Variants in MAGI1 observed in about 807,000 individuals in gnomAD.
MAGI1 encodes the protein membrane associated guanylate kinase, WW and PDZ domain containing 1, also known as membrane-associated guanylate kinase, WW and PDZ domain-containing protein 1.
MAGI1 carries 58 observed loss-of-function variants against 139.9 expected under a neutral mutation model. The ratio of observed to expected loss-of-function variants is 0.41; its 90% CI spans 0.34 to 0.52. MAGI1 has a LOEUF of 0.52. Ranked by LOEUF, MAGI1 falls within the 20% of genes least tolerant of loss-of-function variation. MAGI1 has a pLI of 0.12. For missense variants in MAGI1, 1,874 were observed against 1,901.6 expected, an observed-to-expected ratio of 0.99 and a Z score of 0.27; for synonymous variants, 812 against 737.9, an observed-to-expected ratio of 1.10 and a Z score of -1.63.
intron 20 of MAGI1, 79 bp from the exon 21 acceptor site, chr3:65,363,687 G>T: frequency 2.4e-6 from 3 of 1,239,262 alleles, no homozygotes; most frequent in East Asian, 2.4e-5. Context: ...TTGGCAAAAA[G>T]GCACAATCTC....
intron 12 of MAGI1, among the ~76,000 whole-genome samples, chr3:65,409,178 G>A (rs940617327): frequency 6.6e-6 from 1 of 152,192 alleles, no homozygotes; most frequent in Non-Finnish European, 1.5e-5. Flanking sequence ...ATCACTAAGA[G>A]ATAAAAGTAA....
intron 1 of MAGI1, among the ~76,000 whole-genome samples, chr3:65,824,522 G>A (rs956699767): frequency 9.2e-5 from 14 of 152,182 alleles, no homozygotes; most frequent in African/African-American, 3.4e-4. Flanking sequence ...CCTTAAGAAA[G>A]CTGCATATAC....
intron 1 of MAGI1, among the ~76,000 whole-genome samples, chr3:65,899,585 A>T (rs2061131969): frequency 6.6e-6 from 1 of 152,188 alleles, no homozygotes; most frequent in Non-Finnish European, 1.5e-5. Flanking sequence ...CCCTACAGAC[A>T]ACAATACCAG....
At chr3:65,618,437 C>T (rs1013622493) in intron 2 of MAGI1, among the ~76,000 whole-genome samples, 1 of 152,024 alleles carries the variant, frequency 6.6e-6, no homozygotes, top group Non-Finnish European at 1.5e-5. Flanking sequence ...ATTGTACAAC[C>T]AGTGAATTAC....
chr3:65,599,859 AAG>A (rs145141717), intron 2 of MAGI1, among the ~76,000 whole-genome samples: 5,396 of 152,304 alleles, frequency 0.035, 136 homozygotes, highest in African/African-American at 0.073. Context: ...GATGTCTCGG[AAG>A]AAACACAGAT....
intron 1 of MAGI1, among the ~76,000 whole-genome samples, chr3:65,723,388 A>C (rs866193834): frequency 3.3e-5 from 5 of 152,322 alleles, no homozygotes; most frequent in African/African-American, 1.2e-4. Context: ...AGGTGTTAAG[A>C]GTTTCCCCAC....
intron 2 of MAGI1, among the ~76,000 whole-genome samples, chr3:65,588,335 G>A (rs539306561): frequency 1.3e-5 from 2 of 152,222 alleles, no homozygotes; most frequent in East Asian, 3.9e-4. Context: ...ACCCCATTAA[G>A]GTGGAGCGTT....
chr3:65,865,517 G>A (rs915595251), intron 1 of MAGI1, among the ~76,000 whole-genome samples: 1 of 152,176 alleles, frequency 6.6e-6, no homozygotes. Flanking sequence ...GATCACTTGA[G>A]CCTGGAGGCA....
chr3:65,655,714 C>T (rs1407929866), intron 1 of MAGI1, among the ~76,000 whole-genome samples: 16 of 152,154 alleles, frequency 1.1e-4, no homozygotes, highest in South Asian at 6.2e-4. Context: ...GAAGCACAGA[C>T]GAGCTGAGAA....
intron 1 of MAGI1, among the ~76,000 whole-genome samples, chr3:65,839,480 C>A (rs1250640189): frequency 6.6e-6 from 1 of 151,848 alleles, no homozygotes; most frequent in Non-Finnish European, 1.5e-5. Context: ...GACATTGTTA[C>A]AGGAAATGAC....
chr3:65,541,764 T>C (rs2079237233), intron 2 of MAGI1, among the ~76,000 whole-genome samples: 1 of 152,144 alleles, frequency 6.6e-6, no homozygotes, highest in South Asian at 2.1e-4. Flanking sequence ...ACTGATGGAA[T>C]GTATCTCAAA....
intron 1 of MAGI1, among the ~76,000 whole-genome samples, chr3:65,875,407 G>C (rs1200991337): frequency 6.6e-6 from 1 of 152,152 alleles, no homozygotes; most frequent in Non-Finnish European, 1.5e-5. Context: ...TAATAAAGCT[G>C]TTATGTATTT....
intron 1 of MAGI1, among the ~76,000 whole-genome samples, chr3:65,769,259 C>T (rs1270264537): frequency 1.4e-4 from 21 of 151,994 alleles, no homozygotes; most frequent in Admixed American, 1.4e-3. Flanking sequence ...GGGGTTTTTA[C>T]TTGGTTTTCT....
chr3:65,477,013 G>C (rs1259915574), intron 4 of MAGI1, among the ~76,000 whole-genome samples: 1 of 152,162 alleles, frequency 6.6e-6, no homozygotes, highest in African/African-American at 2.4e-5. Flanking sequence ...ACAGCTAAAA[G>C]GGGAAACTCA....
chr3:65,452,646 A>C (rs898155834), intron 6 of MAGI1: 2 of 151,590 alleles, frequency 1.3e-5, no homozygotes, highest in African/African-American at 4.8e-5. Flanking sequence ...GAACTTTTTC[A>C]ACAAAAGCTC....
intron 2 of MAGI1, among the ~76,000 whole-genome samples, chr3:65,603,936 A>G (rs1316507206): frequency 1.3e-5 from 2 of 152,190 alleles, no homozygotes; most frequent in East Asian, 1.9e-4. Context: ...ATTCCCATCC[A>G]TGAAGGTTCC....
chr3:65,839,337 A>G (rs2058729637), intron 1 of MAGI1, among the ~76,000 whole-genome samples: 1 of 152,236 alleles, frequency 6.6e-6, no homozygotes, highest in Non-Finnish European at 1.5e-5. Flanking sequence ...GATAATTACG[A>G]TAAATGTTAC....
At chr3:65,818,728 G>A (rs1278799589) in intron 1 of MAGI1, among the ~76,000 whole-genome samples, 8 of 152,134 alleles carry the variant, frequency 5.3e-5, no homozygotes, top group Non-Finnish European at 1.2e-4. Context: ...ACATCTTACT[G>A]AGGAGTTTCA....
intron 1 of MAGI1, among the ~76,000 whole-genome samples, chr3:65,794,808 A>C (rs1022837984): frequency 2.6e-5 from 4 of 151,878 alleles, no homozygotes; most frequent in Non-Finnish European, 4.4e-5. Flanking sequence ...TTCAATAAAA[A>C]GCTGAACAAA....
Sources: gnomAD v4.1 joint callset for allele counts (sites outside exome capture counted in the v4.1 genomes callset) on GRCh38, gnomAD v4.1.1 for gene constraint, MANE v1.5 for transcripts, NCBI Gene and HGNC (gene_info 2026-07-23, HGNC 2026-07-21) for gene names.